NCKAP5: variants seen among roughly 807,000 people sequenced by gnomAD.
NCKAP5 encodes nck-associated protein 5.
NCKAP5 carries 92 observed loss-of-function variants against 167.0 expected under a neutral mutation model. The ratio of observed to expected loss-of-function variants is 0.55; its 90% CI spans 0.47 to 0.66. The LOEUF (loss-of-function observed/expected upper bound fraction) is 0.66, where lower values mean the gene tolerates loss of function less well. NCKAP5 is among the 30% of genes least tolerant of loss of function. The probability of loss-of-function intolerance (pLI) is 0.00; values close to 1 mark genes in which losing one functional copy is unlikely to be tolerated. For missense variants in NCKAP5, 2,378 were observed against 2,315.0 expected (o/e 1.03, Z -0.56); for synonymous variants, 891 against 877.4 (o/e 1.02, Z -0.27).
chr2:133,245,928 G>A (rs2087965000), intron 4 of NCKAP5, among the ~76,000 whole-genome samples: 1 of 151,060 alleles, frequency 6.6e-6, no homozygotes, highest in African/African-American at 2.4e-5. Flanking sequence ...GAGGTGGGGA[G>A]AGTCATAGCA....
intron 2 of NCKAP5, among the ~76,000 whole-genome samples, chr2:133,546,163 G>A (rs1686651847): frequency 6.6e-6 from 1 of 151,320 alleles, no homozygotes; most frequent in Non-Finnish European, 1.5e-5. Context: ...TGCCCAACTG[G>A]CTGAGCTCAG....
chr2:133,418,161 C>G (rs144912468), intron 3 of NCKAP5, among the ~76,000 whole-genome samples: 66 of 152,318 alleles, frequency 4.3e-4, no homozygotes, highest in Non-Finnish European at 1.5e-4. Context: ...GCATCAGAAG[C>G]TGCTACACAG....
At chr2:133,200,400 C>T (rs1433494844) in intron 5 of NCKAP5, among the ~76,000 whole-genome samples, 2 of 151,908 alleles carry the variant, frequency 1.3e-5, no homozygotes, top group Non-Finnish European at 1.5e-5. Flanking sequence ...ACAAATGATG[C>T]TAGGATGATT....
intron 2 of NCKAP5, among the ~76,000 whole-genome samples, chr2:133,545,874 C>A (rs769392270): frequency 2.2e-4 from 33 of 152,174 alleles, no homozygotes; most frequent in Non-Finnish European, 4.0e-4. Flanking sequence ...ACACAAACCT[C>A]TTCATCAGGA....
intron 6 of NCKAP5, among the ~76,000 whole-genome samples, chr2:133,027,816 T>G (rs888141874): frequency 5.9e-5 from 9 of 152,340 alleles, no homozygotes; most frequent in African/African-American, 2.2e-4. Flanking sequence ...GTATTCAATT[T>G]TTGCAGTGTT....
At chr2:133,492,840 C>T (rs1681592022) in intron 3 of NCKAP5, among the ~76,000 whole-genome samples, 1 of 152,318 alleles carries the variant, frequency 6.6e-6, no homozygotes, top group Non-Finnish European at 1.5e-5. Context: ...GTACCTTTCT[C>T]TGACAACTCC....
At chr2:133,016,615 T>A (rs1368904863) in intron 6 of NCKAP5, among the ~76,000 whole-genome samples, 1 of 152,188 alleles carries the variant, frequency 6.6e-6, no homozygotes, top group Non-Finnish European at 1.5e-5. Context: ...CTAAAATGAA[T>A]CATAATAAAA....
At chr2:133,115,318 C>A (rs1318980999) in intron 6 of NCKAP5, among the ~76,000 whole-genome samples, 1 of 152,068 alleles carries the variant, frequency 6.6e-6, no homozygotes, top group East Asian at 1.9e-4. Context: ...AACAATACTA[C>A]CTCTAAAAAT....
intron 1 of NCKAP5, among the ~76,000 whole-genome samples, chr2:133,559,608 C>T (rs1379025572): frequency 2.0e-5 from 3 of 152,124 alleles, no homozygotes; most frequent in Non-Finnish European, 4.4e-5. Context: ...GCGTGAGCCC[C>T]TCACCCAGCT....
chr2:133,491,479 T>C (rs2151352304), intron 3 of NCKAP5, among the ~76,000 whole-genome samples: 1 of 152,126 alleles, frequency 6.6e-6, no homozygotes, highest in Middle Eastern at 3.4e-3. Context: ...AAATCCAAGA[T>C]CACCTCTAAG....
At chr2:133,018,738 T>A (rs982257165) in intron 6 of NCKAP5, among the ~76,000 whole-genome samples, 2 of 152,214 alleles carry the variant, frequency 1.3e-5, no homozygotes, top group South Asian at 4.1e-4. Flanking sequence ...CTAAGGCTTT[T>A]ATGCAGTTTG....
chr2:132,707,292 C>T (rs1257621036), intron 19 of NCKAP5, among the ~76,000 whole-genome samples: 1 of 152,256 alleles, frequency 6.6e-6, no homozygotes, highest in Non-Finnish European at 1.5e-5. Context: ...CAGAACTCAG[C>T]TGGTGCCCAC....
At chr2:133,672,022 C>T in the NCKAP5 span, among the ~76,000 whole-genome samples, 67 of 152,218 alleles carry the variant, frequency 4.4e-4, no homozygotes, top group Non-Finnish European at 2.6e-4. Flanking sequence ...AATAAATAAA[C>T]ACGATAGGTA....
At chr2:132,888,086 A>C (rs987880235) in intron 8 of NCKAP5, among the ~76,000 whole-genome samples, 8 of 152,198 alleles carry the variant, frequency 5.3e-5, no homozygotes, top group African/African-American at 1.9e-4. Context: ...TGAGACAGGG[A>C]TCATGCTTTA....
chr2:133,558,771 C>T (rs985069042), intron 2 of NCKAP5, among the ~76,000 whole-genome samples: 14 of 143,004 alleles, frequency 9.8e-5, no homozygotes, highest in Admixed American at 2.1e-4. Context: ...GACCCAGAAG[C>T]GGATTGGGGG....
chr2:133,063,805 A>G (rs1053090308), intron 6 of NCKAP5, among the ~76,000 whole-genome samples: 2 of 152,212 alleles, frequency 1.3e-5, no homozygotes, highest in African/African-American at 4.8e-5. Flanking sequence ...AGATGTTTTC[A>G]GTTTGTTCAA....
At chr2:132,860,931 G>A (rs1379792155) in intron 10 of NCKAP5, among the ~76,000 whole-genome samples, 1 of 152,100 alleles carries the variant, frequency 6.6e-6, no homozygotes, top group East Asian at 1.9e-4. Context: ...CCTTTTCACT[G>A]TCTTTATAAA....
intron 4 of NCKAP5, among the ~76,000 whole-genome samples, chr2:133,239,865 T>A (rs1210505361): frequency 1.3e-5 from 2 of 152,248 alleles, no homozygotes; most frequent in South Asian, 2.1e-4. Context: ...GATGTTTCCA[T>A]CTGCTTCTCT....
intron 3 of NCKAP5, among the ~76,000 whole-genome samples, chr2:133,496,236 A>G (rs1228024676): frequency 6.6e-6 from 1 of 152,200 alleles, no homozygotes; most frequent in African/African-American, 2.4e-5. Flanking sequence ...TTAACCCTGT[A>G]GGTGATACAT....
Sources: allele counts gnomAD v4.1 joint callset (sites outside exome capture counted in the v4.1 genomes callset), GRCh38; gene constraint gnomAD v4.1.1; transcripts MANE v1.5; gene names NCBI Gene and HGNC (gene_info 2026-07-23, HGNC 2026-07-21).